The following GPC3 variants were observed in gnomAD, a reference collection of about 807,000 sequenced individuals.
GPC3 encodes glypican 3, also known as glypican-3.
In GPC3, 3 loss-of-function variants were observed where a neutral mutation model predicts 34.4. The observed-to-expected ratio is 0.09, with a 90% CI of 0.04 to 0.23. The LOEUF (loss-of-function observed/expected upper bound fraction) is 0.23. Among genes scored for constraint, GPC3 ranks in the 10% least tolerant of loss-of-function variants. GPC3 has a pLI of 1.00. For synonymous variants in GPC3, 177 were observed against 174.0 expected (o/e 1.02, Z -0.13); for missense variants, 351 against 445.6 (o/e 0.79, Z 1.91).
intron 7 of GPC3, among the ~76,000 whole-genome samples, chrX:133,572,378 A>T (rs2069641342): frequency 9.0e-6 from 1 of 111,725 alleles, no homozygotes; most frequent in Admixed American, 9.5e-5. Context: ...GATCACCTAC[A>T]TTAAACAAGA....
At chrX:133,950,435 A>G (rs1255061244) in intron 2 of GPC3, among the ~76,000 whole-genome samples, 1 of 111,859 alleles carries the variant, frequency 8.9e-6, no homozygotes, top group African/African-American at 3.2e-5. Context: ...AATACCCCCA[A>G]TGTGGACTAG....
intron 2 of GPC3, among the ~76,000 whole-genome samples, chrX:133,815,729 T>C (rs1399894008): frequency 1.8e-5 from 2 of 111,888 alleles, no homozygotes; most frequent in Non-Finnish European, 3.8e-5. Context: ...GGCTGTGAAC[T>C]GATAAGAGAA....
rs149416344 is a variant in GPC3 at position 133,692,011 on chromosome X, C to T, written c.1292+358G>A. Among the ~76,000 whole-genome samples, 594 of 112,582 alleles carry T rather than the reference C, an allele frequency of 5.3e-3. 3 individuals carry two copies. The highest frequency in any genetic ancestry group is 0.018 in the African/African-American group (552 of 31,049). ...TCACCCAGGCTGGAGTGCAGTGATG[C>T]GATCTCAGCTCATTGCAACCTCCAC... On this transcript the variant is annotated intron_variant, in intron 5 of 7. Coordinates refer to ENST00000370818, the MANE Select transcript of GPC3 (RefSeq NM_004484.4).
intron 6 of GPC3, among the ~76,000 whole-genome samples, chrX:133,598,559 T>C (rs1208789007): frequency 1.8e-5 from 2 of 111,532 alleles, no homozygotes; most frequent in African/African-American, 3.3e-5. Context: ...GTTGAAACAT[T>C]TGCAGTTAAT....
intron 2 of GPC3, among the ~76,000 whole-genome samples, chrX:133,854,591 T>A (rs2075891103): frequency 8.9e-6 from 1 of 111,894 alleles, no homozygotes; most frequent in African/African-American, 3.3e-5. Flanking sequence ...GTCCTATACA[T>A]GTATATGTGG....
intron 3 of GPC3, among the ~76,000 whole-genome samples, chrX:133,711,510 G>A (rs982252874): frequency 9.0e-5 from 10 of 111,293 alleles, no homozygotes; most frequent in African/African-American, 3.3e-4. Flanking sequence ...ATGCATACAA[G>A]TTGGAGAACC....
At chrX:133,806,282 T>C (rs1435214272) in intron 2 of GPC3, among the ~76,000 whole-genome samples, 1 of 112,218 alleles carries the variant, frequency 8.9e-6, no homozygotes, top group South Asian at 3.7e-4. Context: ...ACAGAGACTA[T>C]TGTCAGATGT....
chrX:133,975,632 T>G (rs1389605402), intron 1 of GPC3, among the ~76,000 whole-genome samples: 1 of 112,041 alleles, frequency 8.9e-6, no homozygotes, highest in African/African-American at 3.2e-5. Flanking sequence ...ATCTATGTTT[T>G]TCCTTGCCTG....
At chrX:133,816,980 C>A (rs901933646) in intron 2 of GPC3, among the ~76,000 whole-genome samples, 1 of 112,098 alleles carries the variant, frequency 8.9e-6, no homozygotes, top group Non-Finnish European at 1.9e-5. Flanking sequence ...TATCTTCAGG[C>A]TCTTGCCTTC....
At chrX:133,714,243 G>A (rs1044815595) in intron 3 of GPC3, among the ~76,000 whole-genome samples, 5 of 111,376 alleles carry the variant, frequency 4.5e-5, no homozygotes, top group African/African-American at 1.3e-4. Context: ...AAGAAGATAC[G>A]AGAATCCAGC....
At chrX:133,958,801 G>A (rs1191774475) in intron 1 of GPC3, among the ~76,000 whole-genome samples, 16 of 103,291 alleles carry the variant, frequency 1.5e-4, no homozygotes, top group Middle Eastern at 0.01. Context: ...CACGAGAATC[G>A]CTTGAACCCA....
Position 133,914,296 on chromosome X carries a change from A to G in GPC3, c.337+38754T>C, listed in dbSNP as rs758159450. On this transcript the variant is annotated intron_variant, in intron 2 of 7. Transcript: ENST00000370818. ...CAAGCCTGTATCATGTGCCCTTTACATGAATTGTCTCATTTAATCCTCACA... is the reference window on the plus strand; with the variant it reads ...CAAGCCTGTATCATGTGCCCTTTACGTGAATTGTCTCATTTAATCCTCACA... Among the ~76,000 whole-genome samples, 127 of 111,054 alleles carry G rather than the reference A, an allele frequency of 1.1e-3. 1 individual carries two copies. Among genetic ancestry groups the G allele is most frequent in the African/African-American group, 4.0e-3 (122 of 30,528 alleles).
intron 2 of GPC3, among the ~76,000 whole-genome samples, chrX:133,921,036 C>G (rs2076245791): frequency 8.9e-6 from 1 of 112,060 alleles, no homozygotes; most frequent in South Asian, 3.7e-4. Flanking sequence ...ACAAGATAAT[C>G]CAAATTTTTG....
intron 3 of GPC3, among the ~76,000 whole-genome samples, chrX:133,746,097 T>C (rs2071609020): frequency 8.9e-6 from 1 of 112,385 alleles, no homozygotes; most frequent in African/African-American, 3.2e-5. Flanking sequence ...CTGGCACAAA[T>C]GCTAATACTC....
At chrX:133,710,128 C>A (rs1948533436) in intron 3 of GPC3, among the ~76,000 whole-genome samples, 1 of 111,779 alleles carries the variant, frequency 8.9e-6, no homozygotes, top group African/African-American at 3.2e-5. Flanking sequence ...AAATCAAGTG[C>A]TATTATTTGA....
intron 2 of GPC3, among the ~76,000 whole-genome samples, chrX:133,779,898 G>T (rs1367232034): frequency 9.0e-6 from 1 of 111,159 alleles, no homozygotes; most frequent in African/African-American, 3.3e-5. Context: ...TTTTAAATGG[G>T]GCCCAAATAG....
chrX:133,729,480 G>A (rs764606876), intron 3 of GPC3, among the ~76,000 whole-genome samples: 2 of 111,743 alleles, frequency 1.8e-5, no homozygotes, highest in South Asian at 3.8e-4. Flanking sequence ...TAATCTGTGC[G>A]ATCATAATGC....
At chrX:133,974,696 G>A (rs1415389112) in intron 1 of GPC3, among the ~76,000 whole-genome samples, 2 of 110,888 alleles carry the variant, frequency 1.8e-5, no homozygotes, top group African/African-American at 6.6e-5. Context: ...ATGCTGATGA[G>A]TCCCAACTAT....
chrX:133,761,757 T>G (rs1275128170), intron 2 of GPC3, among the ~76,000 whole-genome samples: 1 of 111,830 alleles, frequency 8.9e-6, no homozygotes, highest in Non-Finnish European at 1.9e-5. Context: ...TTAGCCCAAC[T>G]AGCTCTTCTC....
Sources: gnomAD v4.1 joint callset for allele counts (sites outside exome capture counted in the v4.1 genomes callset) on GRCh38, gnomAD v4.1.1 for gene constraint, MANE v1.5 for transcripts, NCBI Gene and HGNC (gene_info 2026-07-23, HGNC 2026-07-21) for gene names.